Variants in TNKS observed in about 807,000 individuals in gnomAD.
TNKS encodes poly [ADP-ribose] polymerase tankyrase-1.
A neutral mutation model predicts 135.8 loss-of-function variants in TNKS; 72 were observed. The ratio of observed to expected loss-of-function variants is 0.53; its 90% CI spans 0.44 to 0.64. The LOEUF (loss-of-function observed/expected upper bound fraction) is 0.64, where lower values mean the gene tolerates loss of function less well. Among genes scored for constraint, TNKS ranks in the 30% least tolerant of loss-of-function variants. The pLI is 0.00. For missense variants in TNKS, 1,769 were observed against 1,674.0 expected, an observed-to-expected ratio of 1.06 and a Z score of -0.99; for synonymous variants, 849 against 649.3, an observed-to-expected ratio of 1.31 and a Z score of -4.68.
At chr8:9,589,866 T>A (rs978858335) in intron 2 of TNKS, among the ~76,000 whole-genome samples, 8 of 152,260 alleles carry the variant, frequency 5.3e-5, no homozygotes, top group African/African-American at 1.9e-4. Context: ...AGTCTTCTGA[T>A]AATATGTTTC....
intron 25 of TNKS, among the ~76,000 whole-genome samples, chr8:9,769,558 T>C (rs1807678106): frequency 6.6e-6 from 1 of 152,060 alleles, no homozygotes; most frequent in South Asian, 2.1e-4. Flanking sequence ...GGCTCAGTTT[T>C]TTCTCTGGTT....
In TNKS at chr8:9,628,954, C is replaced by G. The variant is rs1481114939; in HGVS notation, c.994+13277C>G. 3.9e-5 allele frequency among the ~76,000 whole-genome samples: 6 copies of G among 152,304 alleles called. No individual in the cohort carries two copies. The East Asian group carries it at 9.7e-4, about 25-fold the overall frequency. On this transcript the variant is annotated intron_variant, in intron 3 of 26. Transcript: ENST00000310430. ...TCCAGCCAAAAACCTACAAGTCGGACTTTATTCTTCTCTTGTTGTCTTACC... is the reference window on the plus strand; with the variant it reads ...TCCAGCCAAAAACCTACAAGTCGGAGTTTATTCTTCTCTTGTTGTCTTACC...
In TNKS at chr8:9,564,267, G is replaced by A. The variant is rs540256688; in HGVS notation, c.673+7655G>A. Among the ~76,000 whole-genome samples, 56 of 152,208 alleles carry A rather than the reference G, an allele frequency of 3.7e-4. 1 individual carries two copies. The Middle Eastern group carries it at 0.01, about 28-fold the overall frequency. ...GAATTGAATAGGTCACAGGCCAGGTGTTCTTTCCTGACGGGAAGTGATTCT... is the reference window on the plus strand; with the variant it reads ...GAATTGAATAGGTCACAGGCCAGGTATTCTTTCCTGACGGGAAGTGATTCT... On this transcript the variant is annotated intron_variant, in intron 1 of 26. Transcript: ENST00000310430.
chr8:9,712,034 A>G (rs1454675466), intron 11 of TNKS, among the ~76,000 whole-genome samples: 3 of 152,240 alleles, frequency 2.0e-5, no homozygotes, highest in South Asian at 2.1e-4. Flanking sequence ...CAGAATTTCA[A>G]TGAAAGCCTT....
At chr8:9,771,426 G>A (rs1299886315) in intron 26 of TNKS, among the ~76,000 whole-genome samples, 1 of 100,570 alleles carries the variant, frequency 9.9e-6, no homozygotes, top group Non-Finnish European at 2.4e-5. Context: ...TACTAAGGAA[G>A]GGAGGGACAG....
intron 11 of TNKS, among the ~76,000 whole-genome samples, chr8:9,718,222 T>C (rs1179348225): frequency 2.0e-5 from 3 of 152,204 alleles, no homozygotes; most frequent in Non-Finnish European, 4.4e-5. Context: ...AAAAATGCAG[T>C]GTCACTCTAG....
At chr8:9,756,964 T>G (rs2128831109) in intron 20 of TNKS, among the ~76,000 whole-genome samples, 1 of 151,576 alleles carries the variant, frequency 6.6e-6, no homozygotes, top group Admixed American at 6.6e-5. Context: ...TTTTTTTGTT[T>G]TTGTTTGTTT....
chr8:9,648,953 A>G (rs1295564512), intron 3 of TNKS, among the ~76,000 whole-genome samples: 1 of 152,150 alleles, frequency 6.6e-6, no homozygotes, highest in Admixed American at 6.5e-5. Flanking sequence ...AGAAAAAAAA[A>G]AAAACAGTGG....
intron 3 of TNKS, chr8:9,669,985 A>G (rs929187330): frequency 1.3e-5 from 2 of 152,252 alleles, no homozygotes; most frequent in African/African-American, 2.4e-5. Flanking sequence ...GCTTCAAAAA[A>G]AGTGACTCAG....
In TNKS at chr8:9,776,743, C is replaced by T; in HGVS notation, c.*7C>T. On this transcript the variant is annotated 3_prime_UTR_variant, in exon 27 of 27. Coordinates refer to ENST00000310430, the MANE Select transcript of TNKS (RefSeq NM_003747.3). The stretch of plus-strand genomic sequence containing the variant: ...CGCAGAGCAGAAGACCTAGTGAATG[C>T]CTGCTGGTGAAGGCCAGATCAGATT... 6.2e-7 allele frequency: 1 copy of T among 1,613,426 alleles called. No homozygotes were observed. The highest frequency in any genetic ancestry group is 1.1e-5 in the South Asian group (1 of 91,072).
At chr8:9,713,990 C>G (rs1804464617) in intron 11 of TNKS, among the ~76,000 whole-genome samples, 1 of 152,220 alleles carries the variant, frequency 6.6e-6, no homozygotes, top group Non-Finnish European at 1.5e-5. Flanking sequence ...TCCACTGCTT[C>G]TAGCACCCTG....
chr8:9,782,083 T>A lies in TNKS; in HGVS notation c.*5347T>A, dbSNP rs1256513297. On this transcript the variant is annotated 3_prime_UTR_variant, in exon 27 of 27. Coordinates refer to ENST00000310430, the MANE Select transcript of TNKS (RefSeq NM_003747.3). ...TGTTTGGTTTTTCTAAATCTGGCAA[T>A]CCTACAGCTGTGGTCATGGGAAATC... 2 of 152,364 alleles carry A rather than the reference T, an allele frequency of 1.3e-5. No homozygotes were observed. 9.4% of individuals were successfully genotyped at this position (152,364 alleles called of 1,614,324 possible).
chr8:9,693,140 A>T (rs1361943952), intron 5 of TNKS, among the ~76,000 whole-genome samples: 1 of 152,230 alleles, frequency 6.6e-6, no homozygotes, highest in Non-Finnish European at 1.5e-5. Context: ...TCTTAACCAA[A>T]TGATAGATCA....
rs1278813731 is a variant in TNKS, at chr8:9,710,032, T to C, written c.1656T>C (p.Asn552=). ...ELLLRKGANV[N]EKNKDFMTPL... Reference sequence around the variant, plus strand: ...TACTTAGAAAAGGAGCAAATGTTAATGAAAAAAATAAAGAGTAAGTATAAT... The same window carrying C: ...TACTTAGAAAAGGAGCAAATGTTAACGAAAAAAATAAAGAGTAAGTATAAT... The change falls in exon 10 of 27, where the codon AAT becomes AAC. Residue 552 remains asparagine (N), a synonymous_variant. Coordinates refer to ENST00000310430, the MANE Select transcript of TNKS (RefSeq NM_003747.3). The C allele has an allele frequency of 6.2e-7, 1 of 1,613,952 alleles. No homozygotes were observed. Among genetic ancestry groups the C allele is most frequent in the Non-Finnish European group, 8.5e-7 (1 of 1,179,876 alleles).
chr8:9,609,514 C>G (rs1029764960), intron 2 of TNKS, among the ~76,000 whole-genome samples: 1 of 152,156 alleles, frequency 6.6e-6, no homozygotes, highest in Non-Finnish European at 1.5e-5. Context: ...TGCTCTTCCC[C>G]TGATTCCATG....
chr8:9,765,981 T>C (rs372071591), intron 24 of TNKS, among the ~76,000 whole-genome samples, 184 bp downstream of exon 24: 2 of 152,238 alleles, frequency 1.3e-5, no homozygotes, highest in Admixed American at 1.3e-4. Flanking sequence ...GTACAGACTT[T>C]CCAGTGCATA....
chr8:9,615,601 T>A lies in TNKS; in HGVS notation c.918T>A (p.Ala306=), dbSNP rs376192042. The A allele has an allele frequency of 5.2e-5, 84 of 1,613,588 alleles. No homozygotes were observed. The highest frequency in any genetic ancestry group is 6.8e-5 in the Non-Finnish European group (80 of 1,179,872). Residue 306 remains alanine, a synonymous_variant, in exon 3 of 27, where the codon GCT becomes GCA. Coordinates refer to ENST00000310430, the MANE Select transcript of TNKS (RefSeq NM_003747.3). ...GCACAGTGCTGCTGCAGCACGGAGC[T>A]GACCCAAACATTCGGAACACTGATG... ...DVCIVLLQHG[A]DPNIRNTDGK...
intron 12 of TNKS, among the ~76,000 whole-genome samples, chr8:9,723,741 C>A (rs6983459): frequency 0.97 from 147,616 of 152,314 alleles, 71,679 homozygotes; most frequent in East Asian, 1. Flanking sequence ...TCAGGTATTC[C>A]GTAGTCACAC....
At chr8:9,716,176 T>C (rs1257507134) in intron 11 of TNKS, among the ~76,000 whole-genome samples, 1 of 152,168 alleles carries the variant, frequency 6.6e-6, no homozygotes, top group Non-Finnish European at 1.5e-5. Context: ...ACATAATAAT[T>C]GACATTTAAT....
Sources: allele counts gnomAD v4.1 joint callset (sites outside exome capture counted in the v4.1 genomes callset), GRCh38; gene constraint gnomAD v4.1.1; transcripts MANE v1.5; gene names NCBI Gene and HGNC (gene_info 2026-07-23, HGNC 2026-07-21).